Variants in SNX10 observed in about 807,000 individuals in gnomAD.
SNX10 encodes sorting nexin 10.
SNX10 carries 25 observed loss-of-function variants against 28.5 expected under a neutral mutation model. The ratio of observed to expected loss-of-function variants is 0.88; its 90% CI spans 0.64 to 1.22. The LOEUF (loss-of-function observed/expected upper bound fraction) is 1.22. Ranked by LOEUF, SNX10 falls within the 50% of genes most tolerant of loss-of-function variation. The pLI is 0.00. For synonymous variants in SNX10, 62 were observed against 81.4 expected (o/e 0.76, Z 1.28); for missense variants, 223 against 242.6 (o/e 0.92, Z 0.54).
At chr7:26,343,344 A>G (rs961122655) in intron 1 of SNX10, among the ~76,000 whole-genome samples, 1 of 151,982 alleles carries the variant, frequency 6.6e-6, no homozygotes, top group Admixed American at 6.6e-5. Context: ...GAGCACTTGC[A>G]CTCTTTCATA....
intron 5 of SNX10, among the ~76,000 whole-genome samples, chr7:26,368,630 A>G (rs987135606): frequency 6.6e-6 from 1 of 152,126 alleles, no homozygotes; most frequent in Non-Finnish European, 1.5e-5. Context: ...ATGGTTTTGT[A>G]TTTCTTCAAA....
At chr7:26,356,585 A>T (rs572276004) in intron 2 of SNX10, among the ~76,000 whole-genome samples, 3 of 152,256 alleles carry the variant, frequency 2.0e-5, no homozygotes, top group Admixed American at 6.5e-5. Flanking sequence ...AGAGTGGGGG[A>T]GGAGGAGACC....
chr7:26,304,031 A>C (rs1203693605), intron 1 of SNX10, among the ~76,000 whole-genome samples: 1 of 152,172 alleles, frequency 6.6e-6, no homozygotes, highest in African/African-American at 2.4e-5. Context: ...AGGGCCTAAC[A>C]CTTACATAGT....
chr7:26,315,393 G>T (rs1471985251), intron 1 of SNX10, among the ~76,000 whole-genome samples: 4 of 152,192 alleles, frequency 2.6e-5, no homozygotes, highest in Non-Finnish European at 5.9e-5. Context: ...ATATGGCTGG[G>T]TGTGGTGGCT....
In SNX10 at chr7:26,364,626, C is replaced by T. The variant is rs550159815; in HGVS notation, c.203C>T (p.Ala68Val). The T allele has an allele frequency of 6.8e-6, 11 of 1,609,660 alleles. No homozygotes were observed. Among genetic ancestry groups the T allele is most frequent in the African/African-American group, 2.7e-5 (2 of 74,874 alleles). The change falls in exon 4 of 7, where the codon GCG becomes GTG. Residue 68 changes from alanine to valine, a missense_variant. Physicochemically the swap from Ala to Val is moderately conservative, Grantham distance 64 (BLOSUM62 0). Transcript: ENST00000338523. The surrounding 1 kb of genome is among the most constrained non-coding windows in gnomAD (Gnocchi z 4.9). ...CTGAGGCAGAGACTCCAAAGTAATG[C>T]GTTGCTGGTGTAAGTGATTTAGAGT... Reference protein sequence around the residue: ...VWLRQRLQSNALLVQLPELPS... With the variant: ...VWLRQRLQSNVLLVQLPELPS...
intron 2 of SNX10, chr7:26,360,761 T>C (rs947368919): frequency 1.0e-5 from 13 of 1,302,454 alleles, no homozygotes; most frequent in African/African-American, 6.1e-5. Flanking sequence ...AGTGTTGCAT[T>C]ATTTTAAAAA....
chr7:26,305,640 G>A (rs1786559435), intron 1 of SNX10, among the ~76,000 whole-genome samples: 1 of 152,166 alleles, frequency 6.6e-6, no homozygotes, highest in Non-Finnish European at 1.5e-5. Flanking sequence ...AAACACACAG[G>A]AAACTTCCTA....
intron 1 of SNX10, among the ~76,000 whole-genome samples, chr7:26,330,836 A>T (rs533738969): frequency 6.6e-6 from 1 of 152,128 alleles, no homozygotes; most frequent in Non-Finnish European, 1.5e-5. Context: ...GCCGGGCAAC[A>T]TAGCAAGACC....
chr7:26,308,091 A>G (rs527649801), intron 1 of SNX10, among the ~76,000 whole-genome samples: 1 of 152,276 alleles, frequency 6.6e-6, no homozygotes, highest in African/African-American at 2.4e-5. Context: ...TATGATATAT[A>G]TGTTGGTTTT....
chr7:26,297,208 G>A (rs905871781), intron 1 of SNX10, among the ~76,000 whole-genome samples: 3 of 152,138 alleles, frequency 2.0e-5, no homozygotes, highest in African/African-American at 7.2e-5. Flanking sequence ...TAAGTTCTCT[G>A]CATCAGCCTC....
At position 26,303,617 on chromosome 7, in the gene SNX10, T is replaced by A. The variant is rs539392364; in HGVS notation, c.-24+11531T>A. Among the ~76,000 whole-genome samples the A allele has an allele frequency of 5.3e-5, 8 of 152,326 alleles. No individual in the cohort carries two copies. The South Asian group carries it at 1.7e-3, about 32-fold the overall frequency. On this transcript the variant is annotated intron_variant, in intron 1 of 6. Coordinates refer to ENST00000338523, the MANE Select transcript of SNX10 (RefSeq NM_013322.3). ...TCTCTGGTTTCTCTGATTCCTCCAA[T>A]TGACAGCTCCTTGGGGCCTGTTCTG...
chr7:26,318,321 C>T (rs555740482), intron 1 of SNX10, among the ~76,000 whole-genome samples: 3 of 152,242 alleles, frequency 2.0e-5, no homozygotes, highest in African/African-American at 7.2e-5. Context: ...GCTTTTGTCT[C>T]TCTGGTCTGT....
chr7:26,364,109 A>C lies in SNX10; in HGVS notation c.112-426A>C, dbSNP rs1348460483. Among the ~76,000 whole-genome samples, 1 of 152,246 alleles carries C rather than the reference A, an allele frequency of 6.6e-6. No homozygotes were observed. Among genetic ancestry groups the C allele is most frequent in the African/African-American group, 2.4e-5 (1 of 41,456 alleles). ...GAGATGAAGATTTCTGCAATGTCTC[A>C]TAAAGGGTCATGAGGAGGTGTCTCT... On this transcript the variant is annotated intron_variant, in intron 3 of 6. Coordinates refer to ENST00000338523, the MANE Select transcript of SNX10 (RefSeq NM_013322.3). The surrounding 1 kb of genome is among the most constrained non-coding windows in gnomAD (Gnocchi z 4.9).
At chr7:26,320,578 G>A (rs549531524) in intron 1 of SNX10, among the ~76,000 whole-genome samples, 130 of 151,906 alleles carry the variant, frequency 8.6e-4, no homozygotes, top group Middle Eastern at 6.8e-3. Flanking sequence ...GACTACAGGC[G>A]CCCGCCACCA....
At chr7:26,302,116 G>A (rs1195598300) in intron 1 of SNX10, among the ~76,000 whole-genome samples, 4 of 152,136 alleles carry the variant, frequency 2.6e-5, no homozygotes, top group African/African-American at 9.7e-5. Context: ...TCAGTGGTGT[G>A]AGGTTATTTT....
At position 26,364,694 on chromosome 7, in the gene SNX10, A is replaced by G; in HGVS notation, c.212+59A>G. 1 of 1,236,550 alleles carries G rather than the reference A, an allele frequency of 8.1e-7. No individual in the cohort carries two copies. The highest frequency in any genetic ancestry group is 1.2e-6 in the Non-Finnish European group (1 of 862,664). 76.6% of individuals were successfully genotyped at this position (1,236,550 alleles called of 1,614,324 possible). A position where few individuals can be genotyped will look rare whatever the true frequency, so the allele number is the denominator to read the frequency against. On this transcript the variant is annotated intron_variant, in intron 4 of 6. Coordinates refer to ENST00000338523, the MANE Select transcript of SNX10 (RefSeq NM_013322.3). This position sits in a 1 kb window ranked among gnomAD's most constrained non-coding sequence, Gnocchi z 4.9. The stretch of plus-strand genomic sequence containing the variant: ...TCATTATATTCAGTATTTAAAATTG[A>G]CGTTCATTAAGATATATAAGATATG...
At chr7:26,352,216 C>T (rs1291064231) in intron 2 of SNX10, among the ~76,000 whole-genome samples, 5 of 151,984 alleles carry the variant, frequency 3.3e-5, no homozygotes, top group African/African-American at 1.2e-4. Context: ...AGTGAATAAA[C>T]CAATAAACAA....
chr7:26,329,878 G>A (rs1198937629), intron 1 of SNX10, among the ~76,000 whole-genome samples: 2 of 152,156 alleles, frequency 1.3e-5, no homozygotes, highest in African/African-American at 4.8e-5. Flanking sequence ...CAAGTGGCTC[G>A]TGTGGCAGTG....
intron 1 of SNX10, among the ~76,000 whole-genome samples, chr7:26,331,079 A>G (rs916946822): frequency 4.3e-4 from 65 of 151,664 alleles, no homozygotes; most frequent in African/African-American, 1.5e-4. Context: ...TGAGCCTGGG[A>G]GGTTGAGGCT....
Sources: allele counts gnomAD v4.1 joint callset (sites outside exome capture counted in the v4.1 genomes callset), GRCh38; gene constraint gnomAD v4.1.1; non-coding constraint Gnocchi (gnomAD v3.1); transcripts MANE v1.5; gene names NCBI Gene and HGNC (gene_info 2026-07-23, HGNC 2026-07-21).